Variants in PPP1R13B observed in about 807,000 individuals in gnomAD.
The protein encoded by PPP1R13B is apoptosis-stimulating of p53 protein 1.
A neutral mutation model predicts 119.8 loss-of-function variants in PPP1R13B; 44 were observed. The ratio of observed to expected loss-of-function variants is 0.37; its 90% CI spans 0.29 to 0.47. The LOEUF (loss-of-function observed/expected upper bound fraction) is 0.47, where lower values mean the gene tolerates loss of function less well. PPP1R13B is among the 20% of genes least tolerant of loss of function. The pLI is 0.99. For synonymous variants in PPP1R13B, 542 were observed against 561.5 expected (o/e 0.97, Z 0.49); for missense variants, 1,227 against 1,413.5 (o/e 0.87, Z 2.12).
At chr14:103,809,424 G>A (rs1310943036) in intron 1 of PPP1R13B, among the ~76,000 whole-genome samples, 1 of 152,146 alleles carries the variant, frequency 6.6e-6, no homozygotes, top group Non-Finnish European at 1.5e-5. Context: ...TTGTAGAAAT[G>A]TGAAATTCAT....
intron 12 of PPP1R13B, 86 bp from the exon 13 acceptor site, chr14:103,739,109 C>G: frequency 2.0e-6 from 3 of 1,531,336 alleles, no homozygotes. Flanking sequence ...GTGGTGGGAG[C>G]TAAAGCCCAA....
chr14:103,797,948 A>C (rs1349156810), intron 1 of PPP1R13B, among the ~76,000 whole-genome samples: 1 of 152,104 alleles, frequency 6.6e-6, no homozygotes, highest in Non-Finnish European at 1.5e-5. Flanking sequence ...AAATGGTTTC[A>C]TACCATATAT....
chr14:103,801,425 C>CGT (rs2085897848), intron 1 of PPP1R13B, among the ~76,000 whole-genome samples: 1 of 151,990 alleles, frequency 6.6e-6, no homozygotes. Flanking sequence ...AAACCTCCCT[C>CGT]CATCAGCATC....
chr14:103,824,039 CTT>C (rs35194586), intron 1 of PPP1R13B, among the ~76,000 whole-genome samples: 1,450 of 75,000 alleles, frequency 0.019, 16 homozygotes, highest in African/African-American at 0.072. Context: ...CTACCTCATC[CTT>C]TTTTTTTTTT....
chr14:103,827,885 T>A (rs1423072607), intron 1 of PPP1R13B, among the ~76,000 whole-genome samples: 1 of 152,068 alleles, frequency 6.6e-6, no homozygotes, highest in Non-Finnish European at 1.5e-5. Context: ...CTCCTAGTTA[T>A]CCCACAGAAG....
intron 1 of PPP1R13B, among the ~76,000 whole-genome samples, chr14:103,811,080 G>A (rs372328540): frequency 3.7e-5 from 5 of 134,018 alleles, no homozygotes; most frequent in Non-Finnish European, 3.1e-5. Context: ...AGAGGACAGC[G>A]TGAGACTCCT....
chr14:103,816,342 G>A (rs2086279672), intron 1 of PPP1R13B, among the ~76,000 whole-genome samples: 1 of 147,610 alleles, frequency 6.8e-6, no homozygotes, highest in South Asian at 2.4e-4. Flanking sequence ...ATTTTTAGTA[G>A]AGACGGGGTT....
intron 1 of PPP1R13B, among the ~76,000 whole-genome samples, chr14:103,825,632 G>A (rs1159274150): frequency 6.6e-6 from 1 of 152,192 alleles, no homozygotes; most frequent in African/African-American, 2.4e-5. Context: ...TATGAAGGCT[G>A]AGAAAGGTGA....
intron 4 of PPP1R13B, among the ~76,000 whole-genome samples, chr14:103,775,990 A>G (rs990697157): frequency 1.3e-5 from 2 of 152,042 alleles, no homozygotes; most frequent in Admixed American, 1.3e-4. Context: ...AGTGGATAAT[A>G]CCTGCAAAAT....
intron 4 of PPP1R13B, among the ~76,000 whole-genome samples, chr14:103,761,274 TAAAAAAAAAA>T (rs59281762): frequency 2.8e-4 from 29 of 104,730 alleles, no homozygotes; most frequent in East Asian, 5.2e-4. Context: ...ACCCTATATT[TAAAAAAAAAA>T]AAAAAAAAAA....
intron 5 of PPP1R13B, 54 bp from the exon 6 acceptor site, chr14:103,754,298 C>A: frequency 6.5e-7 from 1 of 1,539,168 alleles, no homozygotes; most frequent in Non-Finnish European, 8.8e-7. Flanking sequence ...GGCGCGGTGG[C>A]TCACATCTGT....
chr14:103,790,433 G>T (rs371747264), intron 2 of PPP1R13B, among the ~76,000 whole-genome samples: 78 of 152,212 alleles, frequency 5.1e-4, no homozygotes, highest in African/African-American at 1.9e-3. Flanking sequence ...GGGTCTTTGA[G>T]AAGCGATTAG....
At chr14:103,737,175 T>C (rs2084134315) in intron 15 of PPP1R13B, 1 of 152,712 alleles carries the variant, frequency 6.5e-6, no homozygotes, top group African/African-American at 2.4e-5. Context: ...CAACATGGAC[T>C]TTCAAACATG....
At chr14:103,764,972 C>T (rs778272380) in intron 4 of PPP1R13B, among the ~76,000 whole-genome samples, 1 of 152,204 alleles carries the variant, frequency 6.6e-6, no homozygotes, top group South Asian at 2.1e-4. Context: ...ACGCCCGCCA[C>T]CACGCCCGGC....
chr14:103,791,200 T>C (rs767079333), intron 2 of PPP1R13B, among the ~76,000 whole-genome samples: 3 of 152,008 alleles, frequency 2.0e-5, no homozygotes, highest in Non-Finnish European at 2.9e-5. Flanking sequence ...TAGCTCACTG[T>C]AGCCTTGAAC....
intron 16 of PPP1R13B, 35 bp from the exon 17 acceptor site, chr14:103,735,230 C>T (rs768113729): frequency 6.2e-7 from 1 of 1,612,570 alleles, no homozygotes; most frequent in Non-Finnish European, 8.5e-7. Flanking sequence ...GGACAGGAAG[C>T]CACACACAGG....
intron 1 of PPP1R13B, among the ~76,000 whole-genome samples, chr14:103,822,263 T>C (rs564094189): frequency 1.2e-3 from 184 of 152,124 alleles, no homozygotes; most frequent in African/African-American, 4.3e-3. Flanking sequence ...GCCTCCCAAG[T>C]AGCTGGGACT....
At chr14:103,838,563 C>G (rs1000892006) in intron 1 of PPP1R13B, among the ~76,000 whole-genome samples, 3 of 152,164 alleles carry the variant, frequency 2.0e-5, no homozygotes, top group Non-Finnish European at 4.4e-5. Flanking sequence ...GAACTGTACA[C>G]ATTAAAAGGT....
At chr14:103,816,474 G>A (rs185281575) in intron 1 of PPP1R13B, among the ~76,000 whole-genome samples, 1 of 151,588 alleles carries the variant, frequency 6.6e-6, no homozygotes, top group Non-Finnish European at 1.5e-5. Context: ...ATCAGCTGAG[G>A]TCGGGAGTTC....
Sources: allele counts gnomAD v4.1 joint callset (sites outside exome capture counted in the v4.1 genomes callset), GRCh38; gene constraint gnomAD v4.1.1; transcripts MANE v1.5; gene names NCBI Gene and HGNC (gene_info 2026-07-23, HGNC 2026-07-21).